Variants in VTI1A observed in about 807,000 individuals in gnomAD.
VTI1A encodes the protein vesicle transport through interaction with t-SNAREs homolog 1A.
A neutral mutation model predicts 34.9 loss-of-function variants in VTI1A; 22 were observed. The observed-to-expected ratio is 0.63, with a 90% CI of 0.45 to 0.90. VTI1A has a LOEUF of 0.90. VTI1A is among the 40% of genes least tolerant of loss of function. VTI1A has a pLI of 0.00. For synonymous variants in VTI1A, 87 were observed against 97.3 expected, an observed-to-expected ratio of 0.89 and a Z score of 0.62; for missense variants, 268 against 275.6, an observed-to-expected ratio of 0.97 and a Z score of 0.20.
At chr10:112,590,872 G>A (rs911337942) in intron 5 of VTI1A, among the ~76,000 whole-genome samples, 2 of 151,312 alleles carry the variant, frequency 1.3e-5, no homozygotes, top group South Asian at 4.2e-4. Flanking sequence ...AGGCCAAGGC[G>A]GGCAGATTAC....
At position 112,727,600 on chromosome 10, in the gene VTI1A, C is replaced by T. The variant is rs376508280; in HGVS notation, c.560+58602C>T. On this transcript the variant is annotated intron_variant, in intron 7 of 7. Coordinates refer to ENST00000393077, the MANE Select transcript of VTI1A (RefSeq NM_145206.4). ...CTCACTGTGGAAGTTGTGAGGCTTTCGGGACGGTTTGTATTTCAGTGTACA... is the reference window on the plus strand; with the variant it reads ...CTCACTGTGGAAGTTGTGAGGCTTTTGGGACGGTTTGTATTTCAGTGTACA... Among the ~76,000 whole-genome samples, 4 of 152,114 alleles carry T rather than the reference C, an allele frequency of 2.6e-5. No homozygotes were observed. In the East Asian group the frequency reaches 5.8e-4, roughly 22 times the overall value.
chr10:112,591,821 A>G (rs1844402333), intron 5 of VTI1A, among the ~76,000 whole-genome samples: 1 of 152,204 alleles, frequency 6.6e-6, no homozygotes, highest in Non-Finnish European at 1.5e-5. Context: ...TGCCAAAAGG[A>G]AGTTTGCAGA....
chr10:112,698,674 CGT>C (rs1021539590), intron 7 of VTI1A, among the ~76,000 whole-genome samples: 4 of 152,224 alleles, frequency 2.6e-5, no homozygotes, highest in African/African-American at 7.2e-5. Context: ...TGGTTAAACA[CGT>C]GTTTGAACTG....
chr10:112,666,823 A>C (rs1258225816), intron 5 of VTI1A, among the ~76,000 whole-genome samples: 3 of 152,176 alleles, frequency 2.0e-5, no homozygotes, highest in Non-Finnish European at 2.9e-5. Context: ...TCATTCAATA[A>C]ATGCTTATTA....
At chr10:112,787,965 G>A (rs1427993934) in intron 7 of VTI1A, among the ~76,000 whole-genome samples, 1 of 151,500 alleles carries the variant, frequency 6.6e-6, no homozygotes, top group African/African-American at 2.4e-5. Context: ...GCCTCCCAAA[G>A]TGCTGGATTA....
chr10:112,689,295 G>T (rs140589678), intron 7 of VTI1A, among the ~76,000 whole-genome samples: 1 of 152,196 alleles, frequency 6.6e-6, no homozygotes, highest in African/African-American at 2.4e-5. Context: ...TTCATCAGAT[G>T]TCAGTGCTTG....
Position 112,491,318 on chromosome 10 carries a change from G to C in VTI1A, c.264+26661G>C, listed in dbSNP as rs183841715. ...TAAGCATAGACAGCAGGAGTCAGGG[G>C]ACCTGACTAATCTCAGTGAAGTTAC... On this transcript the variant is annotated intron_variant, in intron 3 of 7. Transcript: ENST00000393077. Among the ~76,000 whole-genome samples, 429 of 152,328 alleles carry C rather than the reference G, an allele frequency of 2.8e-3. 5 individuals are homozygous for C. The highest frequency in any genetic ancestry group is 4.7e-3 in the Non-Finnish European group (321 of 68,028).
intron 3 of VTI1A, among the ~76,000 whole-genome samples, chr10:112,468,722 C>G (rs1430873536): frequency 1.3e-5 from 2 of 152,214 alleles, no homozygotes; most frequent in Admixed American, 6.5e-5. Flanking sequence ...CCTGTTCCTT[C>G]CATGGCTGCG....
chr10:112,568,439 G>T (rs987932389), intron 5 of VTI1A, among the ~76,000 whole-genome samples: 5 of 152,024 alleles, frequency 3.3e-5, no homozygotes, highest in Non-Finnish European at 5.9e-5. Flanking sequence ...CCCGGGAGGC[G>T]GAGGTTGCAG....
chr10:112,835,471 A>G, the VTI1A span, among the ~76,000 whole-genome samples: 1 of 152,196 alleles, frequency 6.6e-6, no homozygotes, highest in Non-Finnish European at 1.5e-5. Context: ...AAGCTGCTGT[A>G]CAAGCCCCTT....
At chr10:112,845,912 G>T in the VTI1A span, among the ~76,000 whole-genome samples, 2 of 152,178 alleles carry the variant, frequency 1.3e-5, no homozygotes, top group African/African-American at 4.8e-5. Flanking sequence ...CAGCTACTTG[G>T]GAGGCTGAGG....
intron 3 of VTI1A, among the ~76,000 whole-genome samples, chr10:112,523,578 G>T (rs1231940030): frequency 2.0e-5 from 3 of 152,098 alleles, no homozygotes; most frequent in Non-Finnish European, 4.4e-5. Context: ...TGTATGTTGT[G>T]TGTGTGTGGG....
intron 5 of VTI1A, among the ~76,000 whole-genome samples, chr10:112,569,636 G>T (rs1852044066): frequency 6.6e-6 from 1 of 152,202 alleles, no homozygotes; most frequent in Admixed American, 6.5e-5. Flanking sequence ...CAAGCGAAGA[G>T]GGTATCCTGG....
rs1347467277 is a variant in VTI1A, at chr10:112,513,769, G to A, written c.265-13318G>A. On this transcript the variant is annotated intron_variant, in intron 3 of 7. Transcript: ENST00000393077. Reference sequence around the variant, plus strand: ...GAAAAGGTGTTGAATTTTGTCAGATGTTTTCTGTGCATTCATTGAGATGAT... The same window carrying A: ...GAAAAGGTGTTGAATTTTGTCAGATATTTTCTGTGCATTCATTGAGATGAT... Among the ~76,000 whole-genome samples the A allele has an allele frequency of 2.0e-5, 3 of 151,900 alleles. No homozygotes were observed. The East Asian group carries it at 5.8e-4, about 29-fold the overall frequency.
At chr10:112,532,125 G>A (rs912999373) in intron 4 of VTI1A, among the ~76,000 whole-genome samples, 22 of 151,914 alleles carry the variant, frequency 1.4e-4, no homozygotes, top group African/African-American at 5.3e-4. Context: ...TTATTCTTTG[G>A]TACTCAAAAT....
chr10:112,596,562 A>T (rs1346201856), intron 5 of VTI1A, among the ~76,000 whole-genome samples: 1 of 152,156 alleles, frequency 6.6e-6, no homozygotes, highest in Non-Finnish European at 1.5e-5. Flanking sequence ...ATAAATTTTT[A>T]AAAACAAAAT....
At chr10:112,807,222 C>T (rs1853117965) in intron 7 of VTI1A, among the ~76,000 whole-genome samples, 1 of 152,166 alleles carries the variant, frequency 6.6e-6, no homozygotes, top group Non-Finnish European at 1.5e-5. Flanking sequence ...AGATCACCAG[C>T]TCCATATGCT....
chr10:112,804,166 G>A (rs74798733), intron 7 of VTI1A, among the ~76,000 whole-genome samples: 1 of 152,182 alleles, frequency 6.6e-6, no homozygotes, highest in Non-Finnish European at 1.5e-5. Flanking sequence ...AAGGTATCCC[G>A]GAGCCAGCCA....
At chr10:112,854,293 A>G in the VTI1A span, among the ~76,000 whole-genome samples, 1 of 152,248 alleles carries the variant, frequency 6.6e-6, no homozygotes, top group Non-Finnish European at 1.5e-5. Context: ...AACTAAGTCC[A>G]TTAGCCCAAG....
Sources: gnomAD v4.1 joint callset for allele counts (sites outside exome capture counted in the v4.1 genomes callset) on GRCh38, gnomAD v4.1.1 for gene constraint, MANE v1.5 for transcripts, NCBI Gene and HGNC (gene_info 2026-07-23, HGNC 2026-07-21) for gene names.